Variants in KIAA1549L observed in about 807,000 individuals in gnomAD.
KIAA1549L encodes the protein UPF0606 protein KIAA1549L.
Under a neutral mutation model 160.7 loss-of-function variants are expected in KIAA1549L, and 88 were observed. That is an observed-to-expected ratio of 0.55 (90% CI 0.46 to 0.65). The LOEUF (loss-of-function observed/expected upper bound fraction) is 0.65. KIAA1549L is among the 30% of genes least tolerant of loss of function. The pLI is 0.00. For missense variants in KIAA1549L, 2,258 were observed against 2,437.5 expected (o/e 0.93, Z 1.55); for synonymous variants, 950 against 976.7 (o/e 0.97, Z 0.51).
At chr11:33,477,854 T>C (rs539445845) in intron 1 of KIAA1549L, among the ~76,000 whole-genome samples, 85 of 137,556 alleles carry the variant, frequency 6.2e-4, no homozygotes, top group African/African-American at 2.2e-3. Flanking sequence ...CACAGATGCA[T>C]ACACACACAC....
intron 1 of KIAA1549L, among the ~76,000 whole-genome samples, chr11:33,385,136 T>C (rs573561156): frequency 6.6e-6 from 1 of 152,330 alleles, no homozygotes; most frequent in East Asian, 1.9e-4. Context: ...ATTTCATGTT[T>C]GTGTATGGTG....
At chr11:33,614,533 TATATATATATATATATATATA>T (rs1850730614) in intron 15 of KIAA1549L, among the ~76,000 whole-genome samples, 1 of 2,502 alleles carries the variant, frequency 4.0e-4, no homozygotes, top group African/African-American at 1.6e-3. Context: ...TGTAACAAGA[TATATATATATATATATATATA>T]TATATATATA....
Position 33,392,534 on chromosome 11 carries a change from T to C in KIAA1549L, c.238+15645T>C, listed in dbSNP as rs1480645963. 1.3e-5 allele frequency among the ~76,000 whole-genome samples: 2 copies of C among 152,200 alleles called. 1 individual carries two copies. The highest frequency in any genetic ancestry group is 3.8e-4 in the East Asian group (2 of 5,198). ...ATTTTCTTGAGTTTTTACAAATGTA[T>C]ACACCTGTGTATCCCAAATCCCTGT... On this transcript the variant is annotated intron_variant, in intron 1 of 20. Transcript: ENST00000658780.
intron 1 of KIAA1549L, among the ~76,000 whole-genome samples, chr11:33,427,662 G>A (rs1401140641): frequency 1.3e-5 from 2 of 151,822 alleles, no homozygotes; most frequent in Admixed American, 6.6e-5. Context: ...TCATCATTTT[G>A]GTGTTTTAAA....
intron 1 of KIAA1549L, among the ~76,000 whole-genome samples, chr11:33,538,124 A>G (rs1325101359): frequency 2.0e-5 from 3 of 152,216 alleles, no homozygotes; most frequent in African/African-American, 7.2e-5. Flanking sequence ...AGGTGGCAGG[A>G]AGGTAAAGTG....
At chr11:33,490,051 G>A (rs1266219274) in intron 1 of KIAA1549L, among the ~76,000 whole-genome samples, 1 of 152,156 alleles carries the variant, frequency 6.6e-6, no homozygotes, top group South Asian at 2.1e-4. Flanking sequence ...TATACAGATT[G>A]ATGGTAAATG....
At chr11:33,560,334 C>A (rs1454448368) in intron 7 of KIAA1549L, among the ~76,000 whole-genome samples, 1 of 152,200 alleles carries the variant, frequency 6.6e-6, no homozygotes, top group Non-Finnish European at 1.5e-5. Flanking sequence ...TGAACCCAAG[C>A]AGTCTGCCTT....
chr11:33,400,282 A>AG (rs1311694165), intron 1 of KIAA1549L, among the ~76,000 whole-genome samples: 1 of 152,238 alleles, frequency 6.6e-6, no homozygotes, highest in East Asian at 1.9e-4. Flanking sequence ...AAGTAAGGAC[A>AG]GGGTTGCATG....
intron 17 of KIAA1549L, among the ~76,000 whole-genome samples, chr11:33,649,454 G>A (rs1810635350): frequency 6.9e-6 from 1 of 145,914 alleles, no homozygotes; most frequent in East Asian, 2.0e-4. Context: ...GAGCTATGAT[G>A]ACACCATTGT....
At chr11:33,656,522 C>G (rs761708773) in intron 18 of KIAA1549L, among the ~76,000 whole-genome samples, 3 of 152,142 alleles carry the variant, frequency 2.0e-5, no homozygotes, top group African/African-American at 4.8e-5. Flanking sequence ...CTCTTGACTT[C>G]CAAGAGGGAG....
intron 11 of KIAA1549L, among the ~76,000 whole-genome samples, chr11:33,587,020 A>C (rs887696922): frequency 1.3e-5 from 2 of 152,242 alleles, no homozygotes; most frequent in African/African-American, 4.8e-5. Flanking sequence ...CAACAATAGG[A>C]AAGTTACTTA....
intron 7 of KIAA1549L, 140 bp from the exon 8 acceptor site, chr11:33,561,536 G>A: frequency 1.5e-6 from 1 of 687,670 alleles, no homozygotes; most frequent in South Asian, 1.6e-5. Context: ...GGAGGCTTAG[G>A]TGCAAGGACC....
intron 1 of KIAA1549L, among the ~76,000 whole-genome samples, chr11:33,397,105 G>A (rs983422304): frequency 6.6e-6 from 1 of 151,344 alleles, no homozygotes; most frequent in African/African-American, 2.4e-5. Flanking sequence ...GACCAAGGTG[G>A]GTGGATCACA....
rs1564924686 is a variant in KIAA1549L at position 33,614,551 on chromosome 11, TATATATATATATATATATATATATA to T, written c.5280-3981_5280-3957del. Among the ~76,000 whole-genome samples the T allele has an allele frequency of 4.5e-3, 61 of 13,700 alleles. 10 individuals carry two copies. Among genetic ancestry groups the T allele is most frequent in the African/African-American group, 0.018 (52 of 2,928 alleles). The allele number at this position is 13,700 out of a possible 152,430, so 9.0% of individuals were successfully genotyped here. On this transcript the variant is annotated intron_variant, in intron 15 of 20. Coordinates refer to ENST00000658780, the MANE Select transcript of KIAA1549L (RefSeq NM_012194.3). ...AACAAGATATATATATATATATATATATATATATATATATATATATATATATATATATATTTTTTTTTTTTTTTTT... is the reference window on the plus strand; with the variant it reads ...AACAAGATATATATATATATATATATTATATATATTTTTTTTTTTTTTTTT...
At chr11:33,396,548 T>C (rs969953694) in intron 1 of KIAA1549L, among the ~76,000 whole-genome samples, 4 of 152,184 alleles carry the variant, frequency 2.6e-5, no homozygotes, top group African/African-American at 7.2e-5. Flanking sequence ...ATCCTTCTTA[T>C]GGCATTGCGT....
At chr11:33,611,913 G>A (rs1299602583) in intron 15 of KIAA1549L, among the ~76,000 whole-genome samples, 1 of 152,204 alleles carries the variant, frequency 6.6e-6, no homozygotes, top group African/African-American at 2.4e-5. Flanking sequence ...AACCAAACTT[G>A]TTTCTGTAGA....
intron 11 of KIAA1549L, among the ~76,000 whole-genome samples, chr11:33,585,345 C>T (rs901999012): frequency 6.6e-6 from 1 of 152,100 alleles, no homozygotes; most frequent in Non-Finnish European, 1.5e-5. Flanking sequence ...ATGGAGAAAC[C>T]TCATCTCTAC....
At chr11:33,450,492 TG>T (rs1274158857) in intron 1 of KIAA1549L, among the ~76,000 whole-genome samples, 1 of 152,058 alleles carries the variant, frequency 6.6e-6, no homozygotes, top group Admixed American at 6.6e-5. Context: ...GCTGGGAATC[TG>T]GGGCTGCAGT....
chr11:33,643,032 T>C (rs1350816073), intron 16 of KIAA1549L, among the ~76,000 whole-genome samples: 1 of 152,184 alleles, frequency 6.6e-6, no homozygotes, highest in Non-Finnish European at 1.5e-5. Flanking sequence ...CCAGGTATAA[T>C]GAGAGCTAGT....
Sources: allele counts gnomAD v4.1 joint callset (sites outside exome capture counted in the v4.1 genomes callset), GRCh38; gene constraint gnomAD v4.1.1; transcripts MANE v1.5; gene names NCBI Gene and HGNC (gene_info 2026-07-23, HGNC 2026-07-21).